Variants in LEMD3 observed in about 807,000 individuals in gnomAD.
LEMD3 encodes inner nuclear membrane protein Man1.
A neutral mutation model predicts 95.2 loss-of-function variants in LEMD3; 33 were observed. That is an observed-to-expected ratio of 0.35 (90% CI 0.26 to 0.46). The LOEUF (loss-of-function observed/expected upper bound fraction) is 0.46, where lower values mean the gene tolerates loss of function less well. LEMD3 is among the 20% of genes least tolerant of loss of function. The pLI is 1.00. For missense variants in LEMD3, 1,210 were observed against 1,192.8 expected (o/e 1.01, Z -0.21); for synonymous variants, 525 against 474.6 (o/e 1.11, Z -1.38).
chr12:65,224,683 T>C (rs1870396065), intron 4 of LEMD3, among the ~76,000 whole-genome samples: 1 of 152,146 alleles, frequency 6.6e-6, no homozygotes, highest in Non-Finnish European at 1.5e-5. Context: ...AATTTGAACA[T>C]AACATGTCTG....
intron 12 of LEMD3, 50 bp downstream of exon 12, chr12:65,245,989 A>AT: frequency 7.1e-7 from 1 of 1,416,356 alleles, no homozygotes; most frequent in South Asian, 1.2e-5. Context: ...TTATAGTTTA[A>AT]TTTTAAACTA....
intron 1 of LEMD3, among the ~76,000 whole-genome samples, chr12:65,175,525 A>G (rs891939339): frequency 1.3e-5 from 2 of 151,944 alleles, no homozygotes; most frequent in African/African-American, 2.4e-5. Flanking sequence ...TCAAATCCTC[A>G]TCTCTTTGGT....
intron 4 of LEMD3, among the ~76,000 whole-genome samples, chr12:65,221,589 G>A (rs1211405896): frequency 6.6e-6 from 1 of 151,998 alleles, no homozygotes; most frequent in Non-Finnish European, 1.5e-5. Flanking sequence ...CTTGCTAAGA[G>A]AGATAAATTT....
rs546005703 is a variant in LEMD3, at chr12:65,241,061, T to C, written c.2279T>C (p.Ile760Thr). 13 of 1,613,886 alleles carry C rather than the reference T, an allele frequency of 8.1e-6. No homozygotes were observed. The East Asian group carries it at 8.9e-5, about 11-fold the overall frequency. ...GCATCCTGTGACAAAATATTAGTTATACCTTCTAAAGTATGGCAAGGTCAA... is the reference window on the plus strand; with the variant it reads ...GCATCCTGTGACAAAATATTAGTTACACCTTCTAAAGTATGGCAAGGTCAA... ...PSASCDKILVIPSKVWQGQAF... is the reference protein window; with the variant it reads ...PSASCDKILVTPSKVWQGQAF... Residue 760 changes from isoleucine to threonine, a missense_variant, in exon 9 of 13, where the codon ATA (isoleucine) becomes ACA (threonine). Ile to Thr is a moderately conservative substitution (Grantham distance 89, BLOSUM62 -1). Transcript: ENST00000308330.
chr12:65,214,427 G>A (rs1027265838), intron 2 of LEMD3, among the ~76,000 whole-genome samples: 6 of 152,186 alleles, frequency 3.9e-5, no homozygotes, highest in Non-Finnish European at 8.8e-5. Context: ...AGGAAGGCAA[G>A]TAGTAAACTG....
intron 1 of LEMD3, among the ~76,000 whole-genome samples, chr12:65,193,645 G>A (rs942617241): frequency 4.0e-5 from 6 of 151,894 alleles, no homozygotes; most frequent in East Asian, 1.9e-4. Flanking sequence ...GGGAGACTGC[G>A]GATCCCTGGC....
chr12:65,219,376 C>T (rs1329460503), intron 4 of LEMD3, among the ~76,000 whole-genome samples: 4 of 152,150 alleles, frequency 2.6e-5, no homozygotes, highest in African/African-American at 9.7e-5. Context: ...ATTCTGATTT[C>T]TCAGAAGTGG....
At chr12:65,243,268 C>G (rs753307939) in intron 9 of LEMD3, 120 bp from the exon 10 acceptor site, 2 of 703,880 alleles carry the variant, frequency 2.8e-6, no homozygotes, top group African/African-American at 3.5e-5. Flanking sequence ...TAACATCTAA[C>G]CAGGGGTCTG....
At chr12:65,185,467 G>A (rs2136321498) in intron 1 of LEMD3, among the ~76,000 whole-genome samples, 1 of 151,998 alleles carries the variant, frequency 6.6e-6, no homozygotes, top group South Asian at 2.1e-4. Flanking sequence ...TTCATACTGT[G>A]CTATTATTTT....
In LEMD3 at chr12:65,247,716, A is replaced by G. The variant is rs1433022056; in HGVS notation, c.*1391A>G. ...CTCAGTTTCCTTTTTGTTTTATTGT[A>G]TGCGTTGGGTTTGCAGCATGAACTT... On this transcript the variant is annotated 3_prime_UTR_variant, in exon 13 of 13. Coordinates refer to ENST00000308330, the MANE Select transcript of LEMD3 (RefSeq NM_014319.5). 1.3e-5 allele frequency: 2 copies of G among 152,514 alleles called. No homozygotes were observed. The highest frequency in any genetic ancestry group is 2.1e-4 in the South Asian group (1 of 4,834). 9.4% of individuals were successfully genotyped at this position (152,514 alleles called of 1,614,324 possible). A position where few individuals can be genotyped will look rare whatever the true frequency, so the allele number is the denominator to read the frequency against.
At chr12:65,230,712 T>C (rs1870599191) in intron 4 of LEMD3, among the ~76,000 whole-genome samples, 1 of 152,162 alleles carries the variant, frequency 6.6e-6, no homozygotes, top group Admixed American at 6.5e-5. Flanking sequence ...ATAGGAACAA[T>C]TTTTCTCCTT....
In LEMD3 at chr12:65,215,957, A is replaced by G. The variant is rs1366820025; in HGVS notation, c.1561-20A>G. ...TTTTCTTGTAATTGGGTATTTCATA[A>G]TAACTTCTCTTAATTTTAGGAAAGT... On this transcript the variant is annotated intron_variant, in intron 2 of 12. Coordinates refer to ENST00000308330, the MANE Select transcript of LEMD3 (RefSeq NM_014319.5). The G allele has an allele frequency of 1.3e-5, 16 of 1,215,030 alleles. No individual in the cohort carries two copies. The highest frequency in any genetic ancestry group is 3.0e-5 in the African/African-American group (2 of 66,756). The allele number at this position is 1,215,030 out of a possible 1,614,324, so 75.3% of individuals were successfully genotyped here.
intron 9 of LEMD3, 81 bp downstream of exon 9, chr12:65,241,168 A>G (rs1870927113): frequency 8.0e-7 from 1 of 1,243,078 alleles, no homozygotes; most frequent in Non-Finnish European, 1.2e-6. Context: ...AAACAGTACA[A>G]TTCAAAGATG....
chr12:65,205,812 C>T (rs1407584473), intron 1 of LEMD3, among the ~76,000 whole-genome samples: 1 of 152,044 alleles, frequency 6.6e-6, no homozygotes, highest in Non-Finnish European at 1.5e-5. Flanking sequence ...AAGAGTTTAC[C>T]TTAGGCAAGT....
At chr12:65,228,372 T>TTAC (rs1044633521) in intron 4 of LEMD3, among the ~76,000 whole-genome samples, 8 of 149,146 alleles carry the variant, frequency 5.4e-5, no homozygotes, top group African/African-American at 1.7e-4. Context: ...TGTTTTATTA[T>TTAC]TATTATTGTT....
chr12:65,193,775 T>TGTGTGTGTGTGTGTGTGTGTGTG (rs61507306), intron 1 of LEMD3, among the ~76,000 whole-genome samples: 2 of 145,046 alleles, frequency 1.4e-5, no homozygotes, highest in African/African-American at 5.1e-5. Context: ...TGTGTGTGTG[T>TGTGTGTGTGTGTGTGTGTGTGTG]TGGGGGAGGG....
chr12:65,213,386 C>G (rs928569618), intron 2 of LEMD3, among the ~76,000 whole-genome samples: 1 of 152,090 alleles, frequency 6.6e-6, no homozygotes, highest in African/African-American at 2.4e-5. Context: ...CCACCACACC[C>G]AGCTAAATTT....
chr12:65,202,935 T>G (rs1311765223), intron 1 of LEMD3, among the ~76,000 whole-genome samples: 1 of 152,150 alleles, frequency 6.6e-6, no homozygotes, highest in East Asian at 1.9e-4. Flanking sequence ...TTTCCTCTCT[T>G]TCTTAGCTAG....
At chr12:65,173,351 A>G (rs1868615842) in intron 1 of LEMD3, among the ~76,000 whole-genome samples, 1 of 152,210 alleles carries the variant, frequency 6.6e-6, no homozygotes, top group African/African-American at 2.4e-5. Flanking sequence ...TAGGATAGGA[A>G]TGCTAGGATT....
Sources: allele counts gnomAD v4.1 joint callset (sites outside exome capture counted in the v4.1 genomes callset), GRCh38; gene constraint gnomAD v4.1.1; transcripts MANE v1.5; gene names NCBI Gene and HGNC (gene_info 2026-07-23, HGNC 2026-07-21).